CAPZB: variants seen among roughly 807,000 people sequenced by gnomAD.
CAPZB encodes F-actin-capping protein subunit beta.
CAPZB carries 2 observed loss-of-function variants against 38.1 expected under a neutral mutation model. The observed-to-expected ratio is 0.05, with a 90% CI of 0.02 to 0.17. The LOEUF (loss-of-function observed/expected upper bound fraction) is 0.17, where lower values mean the gene tolerates loss of function less well. Among genes scored for constraint, CAPZB ranks in the 10% least tolerant of loss-of-function variants. CAPZB has a pLI of 1.00. For synonymous variants in CAPZB, 107 were observed against 127.4 expected (o/e 0.84, Z 1.08); for missense variants, 161 against 334.2 (o/e 0.48, Z 4.04).
At position 19,366,295 on chromosome 1, in the gene CAPZB, TATATATATATATATAA is replaced by T. The variant is rs201615615; in HGVS notation, c.330-8748_330-8733del. 6.8e-3 allele frequency among the ~76,000 whole-genome samples: 758 copies of T among 110,956 alleles called. 63 individuals are homozygous for T. The highest frequency in any genetic ancestry group is 0.047 in the Admixed American group (509 of 10,860). The allele number at this position is 110,956 out of a possible 152,430, so 72.8% of individuals were successfully genotyped here. ...GACCGTGTCTTAAAATATATATATATATATATATATATATAAATAAAATAAATGGTCATGAGGGACA... is the reference window on the plus strand; with the variant it reads ...GACCGTGTCTTAAAATATATATATATATAAAATAAATGGTCATGAGGGACA... On this transcript the variant is annotated intron_variant, in intron 4 of 8. Transcript: ENST00000264202.
At chr1:19,456,746 G>A (rs986205922) in intron 1 of CAPZB, among the ~76,000 whole-genome samples, 1 of 152,224 alleles carries the variant, frequency 6.6e-6, no homozygotes, top group African/African-American at 2.4e-5. Flanking sequence ...GCGGCCGATG[G>A]CAGGGGCTGC....
chr1:19,472,091 G>C (rs765454425), intron 1 of CAPZB, among the ~76,000 whole-genome samples: 1 of 152,184 alleles, frequency 6.6e-6, no homozygotes, highest in Non-Finnish European at 1.5e-5. Context: ...AAAAGGACAA[G>C]GGTATTCTAG....
chr1:19,385,725 A>T (rs2094200502), intron 2 of CAPZB, 99 bp from the exon 3 acceptor site: 5 of 1,457,448 alleles, frequency 3.4e-6, no homozygotes, highest in Non-Finnish European at 4.8e-6. Context: ...CAGTACCTTT[A>T]ACATCTGGCC....
At chr1:19,442,877 C>T (rs10492997) in intron 1 of CAPZB, among the ~76,000 whole-genome samples, 67,072 of 151,822 alleles carry the variant, frequency 0.44, 15,283 homozygotes, top group African/African-American at 0.54. Context: ...CTCCACGTTA[C>T]ACAAATACAC....
intron 2 of CAPZB, among the ~76,000 whole-genome samples, chr1:19,394,229 G>A (rs1439644085): frequency 1.3e-5 from 2 of 152,066 alleles, no homozygotes; most frequent in East Asian, 1.9e-4. Context: ...CAGGTGATCC[G>A]TCCTCCTTGC....
At chr1:19,378,676 A>C in intron 3 of CAPZB, 23 bp from the exon 4 acceptor site, 1 of 1,285,538 alleles carries the variant, frequency 7.8e-7, no homozygotes, top group Non-Finnish European at 1.1e-6. Flanking sequence ...AAGGAAAAGT[A>C]TATACCATGA....
chr1:19,367,945 T>C (rs1433057507), intron 4 of CAPZB, among the ~76,000 whole-genome samples: 7 of 152,172 alleles, frequency 4.6e-5, no homozygotes, highest in African/African-American at 9.7e-5. Flanking sequence ...TCTTCTGCCC[T>C]CTGGACTACT....
chr1:19,370,746 G>A (rs2094115659), intron 4 of CAPZB, among the ~76,000 whole-genome samples: 1 of 151,886 alleles, frequency 6.6e-6, no homozygotes, highest in African/African-American at 2.4e-5. Flanking sequence ...TGCCTCCGAG[G>A]GACAGCAGTC....
At chr1:19,462,351 A>G (rs950155846) in intron 1 of CAPZB, among the ~76,000 whole-genome samples, 3 of 151,784 alleles carry the variant, frequency 2.0e-5, no homozygotes, top group East Asian at 3.9e-4. Flanking sequence ...CCAGCTACTC[A>G]GGAGGCTGAG....
intron 4 of CAPZB, among the ~76,000 whole-genome samples, chr1:19,359,234 C>CTTTTTTT (rs2094039475): frequency 3.0e-5 from 1 of 33,530 alleles, no homozygotes; most frequent in Non-Finnish European, 6.0e-5. Flanking sequence ...TTTTTTTTTG[C>CTTTTTTT]AATTTTACAG....
chr1:19,472,709 A>ATTTTTTTTTTT lies in CAPZB; in HGVS notation c.3+12716_3+12726dup, dbSNP rs11334966. On this transcript the variant is annotated intron_variant, in intron 1 of 8. Transcript: ENST00000264202. Reference sequence around the variant, plus strand: ...TGCAACTACTGCGCTTTCATTCTTCATTTTTTTTTTTTTTTTTTTTTTTTT... The same window carrying ATTTTTTTTTTT: ...TGCAACTACTGCGCTTTCATTCTTCATTTTTTTTTTTTTTTTTTTTTTTTTTTTTTTTTTTT... 1.5e-4 allele frequency among the ~76,000 whole-genome samples: 9 copies of ATTTTTTTTTTT among 61,200 alleles called. 1 individual carries two copies. The highest frequency in any genetic ancestry group is 6.2e-4 in the African/African-American group (9 of 14,440). 40.1% of individuals were successfully genotyped at this position (61,200 alleles called of 152,430 possible). A position where few individuals can be genotyped will look rare whatever the true frequency, so the allele number is the denominator to read the frequency against.
rs769419296 is a variant in CAPZB, at chr1:19,345,177, G to C, written c.654+10C>G. On this transcript the variant is annotated intron_variant, in intron 7 of 8. Transcript: ENST00000264202. The stretch of plus-strand genomic sequence containing the variant: ...CACTGCAGGAGCCAGCCAGAGCCCA[G>C]GTCACTCACCTCTACCAGGCGCCCG... The C allele has an allele frequency of 6.2e-7, 1 of 1,612,118 alleles. No individual in the cohort carries two copies. The highest frequency in any genetic ancestry group is 1.1e-5 in the South Asian group (1 of 91,038).
rs146833519 is a variant in CAPZB, at chr1:19,438,062, T to C, written c.4-18312A>G. ...ACGAGGAATCCATCCATCCAAGTAT[T>C]GTTCTTACCTCCCACTACCTCCTAC... On this transcript the variant is annotated intron_variant, in intron 1 of 8. Transcript: ENST00000264202. Among the ~76,000 whole-genome samples the C allele has an allele frequency of 7.9e-5, 12 of 152,280 alleles. No individual in the cohort carries two copies. The East Asian group carries it at 1.4e-3, about 17-fold the overall frequency.
At chr1:19,402,467 TCCTCAGCAAAA>T (rs1282045382) in intron 2 of CAPZB, among the ~76,000 whole-genome samples, 1 of 152,244 alleles carries the variant, frequency 6.6e-6, no homozygotes, top group Non-Finnish European at 1.5e-5. Context: ...TAACAGCTGA[TCCTCAGCAAAA>T]CCAGAGTGTG....
At chr1:19,391,423 G>C (rs2094234127) in intron 2 of CAPZB, among the ~76,000 whole-genome samples, 2 of 152,050 alleles carry the variant, frequency 1.3e-5, no homozygotes, top group African/African-American at 4.8e-5. Context: ...CCCACCACCA[G>C]CAAGATAGGA....
rs565065358 is a variant in CAPZB at position 19,454,730 on chromosome 1, C to T, written c.3+30706G>A. Among the ~76,000 whole-genome samples the T allele has an allele frequency of 7.4e-4, 113 of 152,314 alleles. 1 individual carries two copies. The highest frequency in any genetic ancestry group is 2.6e-3 in the African/African-American group (106 of 41,554). On this transcript the variant is annotated intron_variant, in intron 1 of 8. Coordinates refer to ENST00000264202, the MANE Select transcript of CAPZB (RefSeq NM_004930.5). ...AACTCATTTCAGAAAGCAATTGTCA[C>T]GATCTTCTCTAAACTATTAATACTT...
At chr1:19,427,325 G>C (rs1269096008) in intron 1 of CAPZB, among the ~76,000 whole-genome samples, 1 of 152,190 alleles carries the variant, frequency 6.6e-6, no homozygotes, top group Non-Finnish European at 1.5e-5. Flanking sequence ...TTCAGAGTTT[G>C]TTCTTAAGTT....
intron 6 of CAPZB, among the ~76,000 whole-genome samples, chr1:19,348,954 C>A (rs1038255402): frequency 6.6e-6 from 1 of 152,148 alleles, no homozygotes; most frequent in African/African-American, 2.4e-5. Context: ...TCTGGCAAGT[C>A]ATCCTGAGGA....
intron 2 of CAPZB, among the ~76,000 whole-genome samples, chr1:19,396,692 G>A (rs1259564363): frequency 6.6e-6 from 1 of 151,526 alleles, no homozygotes; most frequent in Non-Finnish European, 1.5e-5. Context: ...TGTAATCCCA[G>A]CACTTTGGGA....
Sources: allele counts gnomAD v4.1 joint callset (sites outside exome capture counted in the v4.1 genomes callset), GRCh38; gene constraint gnomAD v4.1.1; transcripts MANE v1.5; gene names NCBI Gene and HGNC (gene_info 2026-07-23, HGNC 2026-07-21).